Variants in SLC18A2 observed in about 807,000 individuals in gnomAD.
The protein encoded by SLC18A2 is solute carrier family 18 member A2.
SLC18A2 carries 33 observed loss-of-function variants against 59.2 expected under a neutral mutation model. The observed-to-expected ratio is 0.56, with a 90% confidence interval of 0.42 to 0.75. SLC18A2 has a LOEUF of 0.75. Among genes scored for constraint, SLC18A2 ranks in the 30% least tolerant of loss-of-function variants. The pLI, the probability that SLC18A2 is intolerant of heterozygous loss-of-function variation, is 0.00. For missense variants in SLC18A2, 569 were observed against 668.6 expected, an observed-to-expected ratio of 0.85 and a Z score of 1.64; for synonymous variants, 228 against 253.5, an observed-to-expected ratio of 0.90 and a Z score of 0.95.
rs773114749 is a variant in SLC18A2, at chr10:117,277,288, CAA to C, written c.*24_*25del. On this transcript the variant is annotated 3_prime_UTR_variant, in exon 16 of 16. Transcript: ENST00000644641. The stretch of plus-strand genomic sequence containing the variant: ...CTGAGATGAGATCCTCAAAAATCAT[CAA>C]AGTGTTTAATTGTATAAAACAGTGT... 1 of 1,431,510 alleles carries C rather than the reference CAA, an allele frequency of 7.0e-7. No individual in the cohort carries two copies. Among genetic ancestry groups the C allele is most frequent in the South Asian group, 1.2e-5 (1 of 86,386 alleles). 88.7% of individuals were successfully genotyped at this position (1,431,510 alleles called of 1,614,324 possible). A position where few individuals can be genotyped will look rare whatever the true frequency, so the allele number is the denominator to read the frequency against.
rs1205614148 is a variant in SLC18A2, at chr10:117,269,188, CACACACCT to C, written c.1187-876_1187-869del. ...ACACACATACATATACACACATACACACACACCTACACACATACACATACACACACATA... is the reference window on the plus strand; with the variant it reads ...ACACACATACATATACACACATACACACACACATACACATACACACACATA... On this transcript the variant is annotated intron_variant, in intron 13 of 15. Coordinates refer to ENST00000644641, the MANE Select transcript of SLC18A2 (RefSeq NM_003054.6). The surrounding 1 kb of genome is among the most constrained non-coding windows in gnomAD (Gnocchi z 5.1). Among the ~76,000 whole-genome samples the C allele has an allele frequency of 7.7e-6, 1 of 129,766 alleles. No homozygotes were observed. Among genetic ancestry groups the C allele is most frequent in the Non-Finnish European group, 1.7e-5 (1 of 60,198 alleles). 85.1% of individuals were successfully genotyped at this position (129,766 alleles called of 152,430 possible).
At chr10:117,252,134 ATTTTTTTTT>A (rs57101171) in intron 3 of SLC18A2, among the ~76,000 whole-genome samples, 1,591 of 44,414 alleles carry the variant, frequency 0.036, 40 homozygotes, top group African/African-American at 0.11. Context: ...CATTTTTTGT[ATTTTTTTTT>A]TTTTTTTTTT....
Position 117,279,292 on chromosome 10 carries a change from A to G in SLC18A2, c.*2026A>G, listed in dbSNP as rs1422314821. The G allele has an allele frequency of 2.6e-5, 4 of 152,206 alleles. No homozygotes were observed. Among genetic ancestry groups the G allele is most frequent in the African/African-American group, 7.2e-5 (3 of 41,450 alleles). The allele number at this position is 152,206 out of a possible 1,614,324, so 9.4% of individuals were successfully genotyped here. A position where few individuals can be genotyped will look rare whatever the true frequency, so the allele number is the denominator to read the frequency against. On this transcript the variant is annotated 3_prime_UTR_variant, in exon 16 of 16. Transcript: ENST00000644641. Reference sequence around the variant, plus strand: ...CTCTCTGAACATTTATTTTTTGAACAGAGGTGGTTTTTATGTTTGGACCTG... The same window carrying G: ...CTCTCTGAACATTTATTTTTTGAACGGAGGTGGTTTTTATGTTTGGACCTG...
At chr10:117,274,298 T>A (rs363276) in intron 15 of SLC18A2, among the ~76,000 whole-genome samples, 1 of 151,998 alleles carries the variant, frequency 6.6e-6, no homozygotes, top group South Asian at 2.1e-4. Context: ...AATATGTTTT[T>A]GGTGAATTGA....
intron 10 of SLC18A2, among the ~76,000 whole-genome samples, chr10:117,264,544 G>T (rs956671389): frequency 1.3e-5 from 2 of 152,200 alleles, no homozygotes; most frequent in African/African-American, 4.8e-5. Context: ...TCCCTCAGGG[G>T]AGTGAATGGC....
chr10:117,274,927 G>C (rs1001619046), intron 15 of SLC18A2, among the ~76,000 whole-genome samples: 10 of 152,142 alleles, frequency 6.6e-5, no homozygotes, highest in African/African-American at 2.4e-4. Flanking sequence ...CAGTGCTGTA[G>C]TCTTAGATAA....
At position 117,266,722 on chromosome 10, in the gene SLC18A2, T is replaced by C; in HGVS notation, c.992-11T>C. Reference sequence around the variant, plus strand: ...CAGCACTGATAAGGTCTCCTTTTCATAAATTTACAGGCGTTGCCTTCTTGC... The same window carrying C: ...CAGCACTGATAAGGTCTCCTTTTCACAAATTTACAGGCGTTGCCTTCTTGC... On this transcript the variant is annotated splice_polypyrimidine_tract_variant and intron_variant, in intron 10 of 15. Coordinates refer to ENST00000644641, the MANE Select transcript of SLC18A2 (RefSeq NM_003054.6). The C allele has an allele frequency of 1.9e-6, 3 of 1,608,020 alleles. No individual in the cohort carries two copies. Among genetic ancestry groups the C allele is most frequent in the Non-Finnish European group, 2.6e-6 (3 of 1,175,416 alleles).
Position 117,278,884 on chromosome 10 carries a change from A to G in SLC18A2, c.*1618A>G, listed in dbSNP as rs538649908. 6 of 152,290 alleles carry G rather than the reference A, an allele frequency of 3.9e-5. No homozygotes were observed. The highest frequency in any genetic ancestry group is 1.4e-4 in the African/African-American group (6 of 41,562). The allele number at this position is 152,290 out of a possible 1,614,324, so 9.4% of individuals were successfully genotyped here. ...CCACTTTGGAAGATGGCTCTGGAGG[A>G]AACTCTCATATGGCTAAAAAGGCAG... On this transcript the variant is annotated 3_prime_UTR_variant, in exon 16 of 16. Coordinates refer to ENST00000644641, the MANE Select transcript of SLC18A2 (RefSeq NM_003054.6).
chr10:117,241,506 C>G (rs1025850163), intron 1 of SLC18A2, among the ~76,000 whole-genome samples, 173 bp from the exon 2 acceptor site: 5 of 152,030 alleles, frequency 3.3e-5, no homozygotes, highest in Non-Finnish European at 5.9e-5. Flanking sequence ...TTCCAGGGAG[C>G]GCGGGCTCTC....
intron 10 of SLC18A2, among the ~76,000 whole-genome samples, chr10:117,261,608 G>C (rs954245408): frequency 1.3e-5 from 2 of 152,180 alleles, no homozygotes. Flanking sequence ...GGGAATGGGG[G>C]TGTCTTGCCA....
chr10:117,248,532 C>T (rs1266214389), intron 3 of SLC18A2, among the ~76,000 whole-genome samples: 1 of 152,188 alleles, frequency 6.6e-6, no homozygotes, highest in Non-Finnish European at 1.5e-5. Flanking sequence ...ATGTTGGAAC[C>T]TCTTGCCTCC....
chr10:117,245,144 T>C (rs1210058490), intron 3 of SLC18A2, among the ~76,000 whole-genome samples: 1 of 152,114 alleles, frequency 6.6e-6, no homozygotes, highest in Non-Finnish European at 1.5e-5. Context: ...GCCCCCAAGG[T>C]GTCAGTGCAA....
chr10:117,242,330 C>G (rs1184207408), intron 2 of SLC18A2, among the ~76,000 whole-genome samples: 2 of 152,084 alleles, frequency 1.3e-5, no homozygotes, highest in Admixed American at 1.3e-4. Context: ...TTTGAACAAT[C>G]TTGGTTCTAT....
chr10:117,251,217 A>G (rs1844158720), intron 3 of SLC18A2, among the ~76,000 whole-genome samples: 1 of 152,216 alleles, frequency 6.6e-6, no homozygotes, highest in African/African-American at 2.4e-5. Context: ...TGTTTATTCC[A>G]GGACAGCCCG....
intron 3 of SLC18A2, among the ~76,000 whole-genome samples, chr10:117,246,662 T>C (rs1844113639): frequency 7.8e-6 from 1 of 128,024 alleles, no homozygotes; most frequent in Non-Finnish European, 1.6e-5. Flanking sequence ...TTTTTTTTTC[T>C]TTTTTTTTGA....
intron 3 of SLC18A2, among the ~76,000 whole-genome samples, chr10:117,244,563 A>G (rs1844091786): frequency 6.6e-6 from 1 of 152,210 alleles, no homozygotes; most frequent in Non-Finnish European, 1.5e-5. Context: ...GACCTCTTCC[A>G]CCAAGTGGGA....
chr10:117,257,919 T>A, intron 10 of SLC18A2, 27 bp downstream of exon 10: 1 of 1,505,170 alleles, frequency 6.6e-7, no homozygotes, highest in Non-Finnish European at 9.1e-7. Context: ...GCTCTTCTGA[T>A]TCAAGAGCAT....
intron 5 of SLC18A2, 78 bp from the exon 6 acceptor site, chr10:117,254,327 G>T: frequency 7.6e-6 from 10 of 1,315,976 alleles, no homozygotes; most frequent in Non-Finnish European, 1.1e-5. Context: ...AGGCTGGCTG[G>T]AGAGGGAAGG....
chr10:117,244,764 A>G (rs1844094365), intron 3 of SLC18A2, among the ~76,000 whole-genome samples: 1 of 152,200 alleles, frequency 6.6e-6, no homozygotes, highest in Non-Finnish European at 1.5e-5. Context: ...CTGGCATGTT[A>G]AAGCCTCTCA....
Sources: gnomAD v4.1 joint callset for allele counts (sites outside exome capture counted in the v4.1 genomes callset) on GRCh38, gnomAD v4.1.1 for gene constraint, Gnocchi (gnomAD v3.1) non-coding constraint, MANE v1.5 for transcripts, NCBI Gene and HGNC (gene_info 2026-07-23, HGNC 2026-07-21) for gene names.